Variants in WDFY1 observed in about 807,000 individuals in gnomAD.
WDFY1 encodes WD repeat and FYVE domain-containing protein 1.
A neutral mutation model predicts 56.4 loss-of-function variants in WDFY1; 32 were observed. That is an observed-to-expected ratio of 0.57 (90% CI 0.43 to 0.76). WDFY1 has a LOEUF of 0.76. Among genes scored for constraint, WDFY1 ranks in the 30% least tolerant of loss-of-function variants. The pLI, the probability that WDFY1 is intolerant of heterozygous loss-of-function variation, is 0.00. For synonymous variants in WDFY1, 192 were observed against 197.3 expected, an observed-to-expected ratio of 0.97 and a Z score of 0.23; for missense variants, 480 against 545.7, an observed-to-expected ratio of 0.88 and a Z score of 1.20.
At chr2:223,914,307 A>G (rs549173280) in intron 2 of WDFY1, among the ~76,000 whole-genome samples, 11 of 152,258 alleles carry the variant, frequency 7.2e-5, no homozygotes, top group African/African-American at 2.6e-4. Flanking sequence ...AAGTCAATGA[A>G]CTTTTAAAAA....
chr2:223,880,171 T>C lies in WDFY1; in HGVS notation c.1126A>G (p.Ile376Val). 1.9e-6 allele frequency: 3 copies of C among 1,614,180 alleles called. No individual in the cohort carries two copies. Among genetic ancestry groups the C allele is most frequent in the Non-Finnish European group, 2.5e-6 (3 of 1,180,016 alleles). The change falls in exon 11 of 12, where the codon ATT becomes GTT. Residue 376 changes from isoleucine to valine, a missense_variant. Coordinates refer to ENST00000233055, the MANE Select transcript of WDFY1 (RefSeq NM_020830.5). ...KHNISHMSMDIARGLMVTCGT... is the reference protein window; with the variant it reads ...KHNISHMSMDVARGLMVTCGT... Reference sequence around the variant, plus strand: ...CAGGTCACCATCAGTCCCCTGGCAATGTCCATGGACATGTGGGAAATGTTA... The same window carrying C: ...CAGGTCACCATCAGTCCCCTGGCAACGTCCATGGACATGTGGGAAATGTTA...
Position 223,881,930 on chromosome 2 carries a change from GCAAA to G in WDFY1, c.1064+8_1064+11del, listed in dbSNP as rs755876086. 3 of 1,612,672 alleles carry G rather than the reference GCAAA, an allele frequency of 1.9e-6. No individual in the cohort carries two copies. Among genetic ancestry groups the G allele is most frequent in the Non-Finnish European group, 2.5e-6 (3 of 1,179,122 alleles). ...ATAAGAGGCAATGAGACAAAAATATGCAAACACTCACTCTTCATCTTTGATGGAG... is the reference window on the plus strand; with the variant it reads ...ATAAGAGGCAATGAGACAAAAATATGCACTCACTCTTCATCTTTGATGGAG... On this transcript the variant is annotated splice_region_variant and intron_variant, in intron 10 of 11. Transcript: ENST00000233055.
chr2:223,923,449 T>G (rs923350047), intron 1 of WDFY1, among the ~76,000 whole-genome samples: 14 of 152,226 alleles, frequency 9.2e-5, no homozygotes, highest in African/African-American at 3.4e-4. Context: ...AATAATAGTT[T>G]AGTAATATTT....
chr2:223,899,202 T>TA, intron 5 of WDFY1, 132 bp from the exon 6 acceptor site: 2 of 629,708 alleles, frequency 3.2e-6, no homozygotes, highest in Non-Finnish European at 5.5e-6. Flanking sequence ...AGCATACACG[T>TA]AAAACTATAA....
intron 8 of WDFY1, among the ~76,000 whole-genome samples, chr2:223,893,243 A>C (rs1446089369): frequency 6.6e-6 from 1 of 151,998 alleles, no homozygotes; most frequent in Admixed American, 6.6e-5. Flanking sequence ...GAGAATGTAC[A>C]CAGTGCCTCA....
chr2:223,916,815 C>CTTT (rs201460170), intron 2 of WDFY1, among the ~76,000 whole-genome samples: 1 of 138,604 alleles, frequency 7.2e-6, no homozygotes, highest in Non-Finnish European at 1.6e-5. Flanking sequence ...CCCAGGGCTG[C>CTTT]TTTTTTTTTT....
rs7600088 is a variant in WDFY1 at position 223,886,730 on chromosome 2, A to T, written c.832-1981T>A. On this transcript the variant is annotated intron_variant, in intron 8 of 11. Transcript: ENST00000233055. ...AGGCGACAAGAGTGAAACTCCGTCT[A>T]AAAAAAAAAAAAAAAAAAAGCCTGT... is the stretch of plus-strand genomic sequence containing the variant. Among the ~76,000 whole-genome samples the T allele has an allele frequency of 3.5e-3, 15 of 4,300 alleles. 1 individual carries two copies. The highest frequency in any genetic ancestry group is 0.012 in the African/African-American group (14 of 1,212). The allele number at this position is 4,300 out of a possible 152,430, so 2.8% of individuals were successfully genotyped here. A position where few individuals can be genotyped will look rare whatever the true frequency, so the allele number is the denominator to read the frequency against.
intron 2 of WDFY1, among the ~76,000 whole-genome samples, chr2:223,917,366 A>G (rs1006255791): frequency 6.6e-6 from 1 of 151,934 alleles, no homozygotes; most frequent in Non-Finnish European, 1.5e-5. Context: ...TGGCCAAATT[A>G]AGACAAAGAA....
At chr2:223,895,168 G>T (rs1254378078) in intron 7 of WDFY1, among the ~76,000 whole-genome samples, 1 of 152,178 alleles carries the variant, frequency 6.6e-6, no homozygotes, top group African/African-American at 2.4e-5. Flanking sequence ...CATGGTCAAA[G>T]TCCTCACCTG....
At chr2:223,918,936 G>C (rs1169223431) in intron 1 of WDFY1, among the ~76,000 whole-genome samples, 1 of 152,160 alleles carries the variant, frequency 6.6e-6, no homozygotes, top group African/African-American at 2.4e-5. Context: ...ACATGCACAG[G>C]GTGATGAGGA....
At chr2:223,903,264 G>C (rs1693534729) in intron 4 of WDFY1, among the ~76,000 whole-genome samples, 2 of 152,166 alleles carry the variant, frequency 1.3e-5, no homozygotes, top group African/African-American at 4.8e-5. Flanking sequence ...GCTCATGCCT[G>C]TAATCCCAGC....
At chr2:223,912,393 T>TGATA (rs2106089164) in intron 2 of WDFY1, 67 bp from the exon 3 acceptor site, 1 of 1,365,884 alleles carries the variant, frequency 7.3e-7, no homozygotes, top group Non-Finnish European at 1.0e-6. Flanking sequence ...TCAAAGTGAT[T>TGATA]AAGAACTATA....
In WDFY1 at chr2:223,901,219, C is replaced by T; in HGVS notation, c.449G>A (p.Gly150Glu). The T allele has an allele frequency of 6.2e-7, 1 of 1,614,068 alleles. No homozygotes were observed. The highest frequency in any genetic ancestry group is 2.2e-5 in the East Asian group (1 of 44,872). The change falls in exon 5 of 12, where the codon GGG (glycine) becomes GAG (glutamate). Residue 150 changes from glycine to glutamate, a missense_variant. Coordinates refer to ENST00000233055, the MANE Select transcript of WDFY1 (RefSeq NM_020830.5). ...AGCCCAGGACGTGAAGAAGTGCCTC[C>T]CGAGCATGTTCCCGCTCCGCGTGCA... ...WMCTRSGNML[G>E]RHFFTSWASC...
chr2:223,944,356 C>A (rs1200652614), intron 1 of WDFY1, among the ~76,000 whole-genome samples: 1 of 152,284 alleles, frequency 6.6e-6, no homozygotes, highest in Non-Finnish European at 1.5e-5. Context: ...AGGCTAAACC[C>A]CGCCAGGGAG....
At position 223,880,246 on chromosome 2, in the gene WDFY1, A is replaced by C; in HGVS notation, c.1065-14T>G. 6.2e-7 allele frequency: 1 copy of C among 1,612,246 alleles called. No homozygotes were observed. The highest frequency in any genetic ancestry group is 8.5e-7 in the Non-Finnish European group (1 of 1,178,552). On this transcript the variant is annotated splice_polypyrimidine_tract_variant and intron_variant, in intron 10 of 11. Coordinates refer to ENST00000233055, the MANE Select transcript of WDFY1 (RefSeq NM_020830.5). ...AGAGAAGTCCGACTAACAAGAGAAA[A>C]GAGATCACTGAAAATTTACTTGACT...
chr2:223,923,280 C>T (rs1047679350), intron 1 of WDFY1, among the ~76,000 whole-genome samples: 13 of 152,056 alleles, frequency 8.5e-5, no homozygotes, highest in Admixed American at 4.6e-4. Context: ...GAGTAATATA[C>T]GAATGTATTT....
chr2:223,923,991 G>A (rs1220278691), intron 1 of WDFY1, among the ~76,000 whole-genome samples: 4 of 152,134 alleles, frequency 2.6e-5, no homozygotes, highest in Admixed American at 2.6e-4. Context: ...TCTAATGGCT[G>A]GATTTTCTTT....
At chr2:223,914,249 G>A (rs564521256) in intron 2 of WDFY1, among the ~76,000 whole-genome samples, 37 of 151,980 alleles carry the variant, frequency 2.4e-4, no homozygotes, top group Middle Eastern at 3.4e-3. Flanking sequence ...AGCCTGCCTC[G>A]GCTTCCCAAA....
intron 3 of WDFY1, among the ~76,000 whole-genome samples, chr2:223,911,612 AC>A (rs1559169940): frequency 2.0e-4 from 29 of 147,230 alleles, no homozygotes; most frequent in African/African-American, 7.5e-4. Flanking sequence ...ACACACACAC[AC>A]ACAGAGTGAC....
Sources: gnomAD v4.1 joint callset for allele counts (sites outside exome capture counted in the v4.1 genomes callset) on GRCh38, gnomAD v4.1.1 for gene constraint, MANE v1.5 for transcripts, NCBI Gene and HGNC (gene_info 2026-07-23, HGNC 2026-07-21) for gene names.